Variants in STIM1 observed in about 807,000 individuals in gnomAD.
STIM1 encodes the protein stromal interaction molecule 1.
Under a neutral mutation model 74.7 loss-of-function variants are expected in STIM1, and 25 were observed. The ratio of observed to expected loss-of-function variants is 0.33; its 90% confidence interval spans 0.24 to 0.47. The LOEUF is 0.47. Among genes scored for constraint, STIM1 ranks in the 20% least tolerant of loss-of-function variants. The pLI, the probability that STIM1 is intolerant of heterozygous loss-of-function variation, is 1.00. For synonymous variants in STIM1, 328 were observed against 348.8 expected (o/e 0.94, Z 0.66); for missense variants, 728 against 920.8 (o/e 0.79, Z 2.71).
intron 1 of STIM1, among the ~76,000 whole-genome samples, chr11:3,899,825 A>G (rs2092298999): frequency 1.3e-5 from 2 of 151,176 alleles, no homozygotes; most frequent in South Asian, 4.2e-4. Flanking sequence ...ACATTTATTG[A>G]TTTGTGTATA....
chr11:3,892,779 G>A (rs1024265812), intron 1 of STIM1: 151 of 1,613,132 alleles, frequency 9.4e-5, no homozygotes, highest in Middle Eastern at 1.6e-4. Context: ...CTCAGAGCAC[G>A]AAAGTTTTCT....
chr11:3,956,784 T>C (rs930260352), intron 1 of STIM1, among the ~76,000 whole-genome samples: 3 of 129,960 alleles, frequency 2.3e-5, no homozygotes, highest in East Asian at 2.3e-4. Flanking sequence ...GATCATGCAA[T>C]TGCACTTCAA....
intron 2 of STIM1, among the ~76,000 whole-genome samples, chr11:4,003,916 A>C (rs1219786170): frequency 6.6e-6 from 1 of 152,210 alleles, no homozygotes; most frequent in East Asian, 1.9e-4. Flanking sequence ...ATCAATGTAC[A>C]AAAATCACAA....
Position 4,091,554 on chromosome 11 carries a change from C to CTGG in STIM1, c.1911_1913dup (p.Gly638dup). The CTGG allele has an allele frequency of 5.0e-6, 8 of 1,614,226 alleles. No individual in the cohort carries two copies. Among genetic ancestry groups the CTGG allele is most frequent in the Non-Finnish European group, 6.8e-6 (8 of 1,180,038 alleles). On this transcript the variant is annotated inframe_insertion, in exon 13 of 13. Transcript: ENST00000526596. The stretch of plus-strand genomic sequence containing the variant: ...ATGGAGCTGAGCCCCTCAGCCCCAC[C>CTGG]TGGTGGCTCTCCACATTTGGATTCT...
intron 1 of STIM1, chr11:3,868,357 A>G (rs1453198797): frequency 6.6e-6 from 1 of 152,260 alleles, no homozygotes; most frequent in African/African-American, 2.4e-5. Flanking sequence ...AAGGGTGGAT[A>G]TAGCTCTCAT....
intron 3 of STIM1, among the ~76,000 whole-genome samples, chr11:4,045,161 G>T (rs1369146523): frequency 6.6e-6 from 1 of 151,964 alleles, no homozygotes; most frequent in Non-Finnish European, 1.5e-5. Context: ...TGTACTGCTG[G>T]CCTCAGGCCT....
intron 3 of STIM1, among the ~76,000 whole-genome samples, chr11:4,033,245 A>G (rs1009589934): frequency 4.6e-5 from 7 of 151,930 alleles, no homozygotes; most frequent in Admixed American, 1.3e-4. Flanking sequence ...GTACCATGCT[A>G]TTTTGGTTAC....
intron 2 of STIM1, among the ~76,000 whole-genome samples, chr11:4,006,188 C>A (rs2093778796): frequency 6.6e-6 from 1 of 152,096 alleles, no homozygotes; most frequent in African/African-American, 2.4e-5. Context: ...CTCATGAGAT[C>A]TGGTCATTTA....
chr11:3,976,055 G>A (rs2135776376), intron 2 of STIM1, among the ~76,000 whole-genome samples: 1 of 152,252 alleles, frequency 6.6e-6, no homozygotes, highest in Non-Finnish European at 1.5e-5. Context: ...CTTTATTTGT[G>A]ATTGCCAAAA....
At chr11:4,003,643 G>A (rs1053346805) in intron 2 of STIM1, among the ~76,000 whole-genome samples, 7 of 152,104 alleles carry the variant, frequency 4.6e-5, no homozygotes, top group African/African-American at 9.7e-5. Flanking sequence ...TACTGAATGG[G>A]CAAAAACTGG....
intron 1 of STIM1, among the ~76,000 whole-genome samples, chr11:3,870,516 A>G (rs1258831037): frequency 3.9e-5 from 6 of 152,120 alleles, no homozygotes; most frequent in Non-Finnish European, 8.8e-5. Flanking sequence ...TTTTGTTCTG[A>G]GACAGGGTCT....
At chr11:4,019,657 A>G (rs915831226) in intron 2 of STIM1, among the ~76,000 whole-genome samples, 2 of 152,024 alleles carry the variant, frequency 1.3e-5, no homozygotes, top group Non-Finnish European at 2.9e-5. Flanking sequence ...CCACCAACCA[A>G]CCAACCATCC....
At chr11:3,883,025 T>C (rs77821558) in intron 1 of STIM1, among the ~76,000 whole-genome samples, 1 of 152,210 alleles carries the variant, frequency 6.6e-6, no homozygotes, top group African/African-American at 2.4e-5. Flanking sequence ...GTTTGTTTTT[T>C]TGTTATTGTA....
rs143581697 is a variant in STIM1, at chr11:3,904,733, T to TG, written c.139+48327dup. ...GATGAAGGAGGCAGTGTTAGGTGAC[T>TG]GGGCATTACTGTGATGCTGTTAACA... On this transcript the variant is annotated intron_variant, in intron 1 of 12. Transcript: ENST00000526596. Among the ~76,000 whole-genome samples, 731 of 152,242 alleles carry TG rather than the reference T, an allele frequency of 4.8e-3. 4 individuals carry two copies. Among genetic ancestry groups the TG allele is most frequent in the African/African-American group, 0.017 (701 of 41,526 alleles).
Position 4,083,449 on chromosome 11 carries a change from C to A in STIM1, c.1425C>A (p.Asp475Glu), listed in dbSNP as rs200776986. ...ACCCTGCTCACTTCATCATGACTGA[C>A]GACGTGGATGACATGGATGAGGAGA... ...RPNPAHFIMT[D>E]DVDDMDEEIV... Residue 475 changes from aspartate to glutamate, a missense_variant, in exon 10 of 13, where the codon GAC becomes GAA. This residue lies in a region of STIM1 where 352 missense variants were observed against 370.1 expected (regional missense o/e 0.95). Transcript: ENST00000526596. 1 of 1,614,244 alleles carries A rather than the reference C, an allele frequency of 6.2e-7. No individual in the cohort carries two copies. Among genetic ancestry groups the A allele is most frequent in the Non-Finnish European group, 8.5e-7 (1 of 1,180,050 alleles).
chr11:3,928,713 C>A (rs2092820599), intron 1 of STIM1, among the ~76,000 whole-genome samples: 1 of 152,074 alleles, frequency 6.6e-6, no homozygotes, highest in Non-Finnish European at 1.5e-5. Context: ...TTCTGGAAGG[C>A]ATCTCTTGAG....
At chr11:3,888,792 T>TC (rs1330836365) in intron 1 of STIM1, among the ~76,000 whole-genome samples, 3 of 152,226 alleles carry the variant, frequency 2.0e-5, no homozygotes, top group African/African-American at 7.2e-5. Context: ...CCTCAAGTGA[T>TC]CCGCCCGTGT....
intron 2 of STIM1, among the ~76,000 whole-genome samples, chr11:3,990,521 A>G (rs2093600549): frequency 6.6e-6 from 1 of 152,248 alleles, no homozygotes; most frequent in Admixed American, 6.5e-5. Flanking sequence ...AGTATTTTCC[A>G]TATAAAAATG....
chr11:4,046,288 T>C (rs187826168), intron 3 of STIM1, among the ~76,000 whole-genome samples: 1 of 152,182 alleles, frequency 6.6e-6, no homozygotes, highest in East Asian at 1.9e-4. Context: ...GAAATTAATT[T>C]ATCTTTTTCT....
Sources: allele counts gnomAD v4.1 joint callset (sites outside exome capture counted in the v4.1 genomes callset), GRCh38; gene constraint gnomAD v4.1.1; regional missense constraint gnomAD v4.1.1; transcripts MANE v1.5; gene names NCBI Gene and HGNC (gene_info 2026-07-23, HGNC 2026-07-21).